Variants in NBN observed in about 807,000 individuals in gnomAD.
NBN encodes Nijmegen breakage syndrome 1 (nibrin).
Under a neutral mutation model 90.8 loss-of-function variants are expected in NBN, and 88 were observed. The ratio of observed to expected loss-of-function variants is 0.97; its 90% CI spans 0.82 to 1.16. NBN has a LOEUF of 1.16. NBN is among the 50% of genes most tolerant of loss of function. The pLI is 0.00. For missense variants in NBN, 894 were observed against 869.6 expected (o/e 1.03, Z -0.35); for synonymous variants, 328 against 295.1 (o/e 1.11, Z -1.14).
At chr8:89,947,656 AAATAAT>A (rs531725950) in intron 12 of NBN, among the ~76,000 whole-genome samples, 162 bp downstream of exon 12, 10 of 151,836 alleles carry the variant, frequency 6.6e-5, no homozygotes, top group South Asian at 6.3e-4. Context: ...CAAATAAATA[AAATAAT>A]AATAATAATA....
chr8:89,939,310 C>T (rs1282021601), intron 14 of NBN, among the ~76,000 whole-genome samples: 1 of 151,996 alleles, frequency 6.6e-6, no homozygotes, highest in Non-Finnish European at 1.5e-5. Flanking sequence ...AGTAGCCATG[C>T]AGCAAAAGCA....
At chr8:89,974,690 T>C (rs1283706951) in intron 5 of NBN, among the ~76,000 whole-genome samples, 1 of 152,116 alleles carries the variant, frequency 6.6e-6, no homozygotes, top group Non-Finnish European at 1.5e-5. Context: ...AACACTGAAC[T>C]TGGGAAACCA....
At chr8:89,951,692 A>G (rs554546023) in intron 11 of NBN, among the ~76,000 whole-genome samples, 123 of 152,308 alleles carry the variant, frequency 8.1e-4, no homozygotes, top group African/African-American at 2.8e-3. Context: ...TGACTTATAG[A>G]ACATACAAAT....
chr8:89,976,949 C>T (rs879417889), intron 5 of NBN, among the ~76,000 whole-genome samples: 6 of 152,042 alleles, frequency 3.9e-5, no homozygotes, highest in East Asian at 1.9e-4. Flanking sequence ...AGCTGTTATC[C>T]GGTATAAACA....
chr8:89,964,543 T>C, intron 7 of NBN, 36 bp from the exon 8 acceptor site: 2 of 1,542,622 alleles, frequency 1.3e-6, no homozygotes, highest in Non-Finnish European at 1.8e-6. Context: ...TGATAATATA[T>C]TAAAACTAGC....
chr8:89,978,351 T>A lies in NBN; in HGVS notation c.481-28A>T, dbSNP rs967304479. 1.4e-5 allele frequency: 22 copies of A among 1,561,068 alleles called. No homozygotes were observed. The East Asian group carries it at 4.9e-4, about 35-fold the overall frequency. On this transcript the variant is annotated intron_variant, in intron 4 of 15. Transcript: ENST00000265433. ...ACAATGAAGAAAACATGTGAATATA[T>A]ATATTCACATGCTAGCATTTTTTAA...
intron 14 of NBN, among the ~76,000 whole-genome samples, chr8:89,940,983 T>C (rs1036890579): frequency 2.0e-5 from 3 of 152,166 alleles, no homozygotes; most frequent in African/African-American, 7.2e-5. Flanking sequence ...TAAGGTCACA[T>C]ACTTGGTGAG....
In NBN at chr8:89,935,756, T is replaced by C. The variant is rs531673775; in HGVS notation, c.2235-144A>G. On this transcript the variant is annotated intron_variant, in intron 15 of 15. Coordinates refer to ENST00000265433, the MANE Select transcript of NBN (RefSeq NM_002485.5). The stretch of plus-strand genomic sequence containing the variant: ...GTCCTTAGGATCAGATACTAAGCAC[T>C]GACATTTTTATTTTCATGTATCCCT... 2.2e-4 allele frequency: 211 copies of C among 952,252 alleles called. 1 individual carries two copies. The highest frequency in any genetic ancestry group is 1.5e-3 in the Middle Eastern group (7 of 4,546). 59.0% of individuals were successfully genotyped at this position (952,252 alleles called of 1,614,324 possible). A position where few individuals can be genotyped will look rare whatever the true frequency, so the allele number is the denominator to read the frequency against.
At chr8:89,966,562 T>C (rs1811262767) in intron 7 of NBN, among the ~76,000 whole-genome samples, 1 of 152,176 alleles carries the variant, frequency 6.6e-6, no homozygotes, top group Non-Finnish European at 1.5e-5. Context: ...CCTAAATAAA[T>C]GGGGATACCA....
intron 12 of NBN, among the ~76,000 whole-genome samples, chr8:89,947,091 G>A (rs1442739702): frequency 6.6e-6 from 1 of 152,136 alleles, no homozygotes; most frequent in Non-Finnish European, 1.5e-5. Flanking sequence ...TCATCTGATA[G>A]TGACAGAATG....
chr8:89,980,864 G>A lies in NBN; in HGVS notation c.350C>T (p.Ser117Phe), dbSNP rs1060503468. ...RIEYEPLVAC[S>F]SCLDVSGKTA... is the part of the protein sequence containing the mutation. Reference sequence around the variant, plus strand: ...TTTCCCAGAGACATCTAAACAAGAAGAGCATGCAACCAAAGGCTCATACTC... The same window carrying A: ...TTTCCCAGAGACATCTAAACAAGAAAAGCATGCAACCAAAGGCTCATACTC... Residue 117 changes from serine (S) to phenylalanine (F), a missense_variant, in exon 4 of 16, where the codon TCT (serine) becomes TTT (phenylalanine). Physicochemically the swap from Ser to Phe is radical, Grantham distance 155. Coordinates refer to ENST00000265433, the MANE Select transcript of NBN (RefSeq NM_002485.5). 9 of 1,612,370 alleles carry A rather than the reference G, an allele frequency of 5.6e-6. No individual in the cohort carries two copies. The highest frequency in any genetic ancestry group is 7.6e-6 in the Non-Finnish European group (9 of 1,179,016).
At position 89,946,243 on chromosome 8, in the gene NBN, A is replaced by T; in HGVS notation, c.1967T>A (p.Leu656Ter). 6.3e-7 allele frequency: 1 copy of T among 1,588,362 alleles called. No individual in the cohort carries two copies. Among genetic ancestry groups the T allele is most frequent in the Non-Finnish European group, 8.6e-7 (1 of 1,156,912 alleles). The change falls in exon 13 of 16, where the codon TTG becomes TAG. Residue 656 changes from leucine (L) to a stop codon, truncating the protein, a stop_gained. Transcript: ENST00000265433. LOFTEE classifies it high-confidence loss of function. ...DSEMLPKKLL[L>*]TEFRSLVIKN... ...AATCACCAGTGATCTAAATTCAGTCAATAACAGCTTTTTTGGAAGCATCTC... is the reference window on the plus strand; with the variant it reads ...AATCACCAGTGATCTAAATTCAGTCTATAACAGCTTTTTTGGAAGCATCTC...
At chr8:89,983,402 A>G (rs1234170543) in intron 1 of NBN, among the ~76,000 whole-genome samples, 2 of 151,660 alleles carry the variant, frequency 1.3e-5, no homozygotes, top group African/African-American at 2.4e-5. Context: ...ACTGCACTCC[A>G]GCCTCGGTGA....
At chr8:89,948,673 C>T (rs989812400) in intron 11 of NBN, among the ~76,000 whole-genome samples, 4 of 152,064 alleles carry the variant, frequency 2.6e-5, no homozygotes, top group African/African-American at 7.2e-5. Context: ...AAGTTGGAAA[C>T]GGCAGAAAAA....
intron 8 of NBN, 72 bp downstream of exon 8, chr8:89,964,338 G>A (rs559304781): frequency 2.0e-6 from 3 of 1,517,992 alleles, no homozygotes; most frequent in Non-Finnish European, 1.8e-6. Flanking sequence ...AAGTATATGA[G>A]TAACGTATAT....
chr8:89,980,350 A>C (rs1811998308), intron 4 of NBN, among the ~76,000 whole-genome samples: 1 of 151,904 alleles, frequency 6.6e-6, no homozygotes, highest in Non-Finnish European at 1.5e-5. Flanking sequence ...TGGAGATTGG[A>C]GAAAGACAAC....
intron 5 of NBN, among the ~76,000 whole-genome samples, chr8:89,976,051 G>C (rs1313930057): frequency 1.3e-5 from 2 of 152,162 alleles, no homozygotes; most frequent in African/African-American, 4.8e-5. Context: ...GAGTGCAGAG[G>C]TGGGATCTCA....
At chr8:89,982,492 C>T (rs922040208) in intron 2 of NBN, 9 of 559,520 alleles carry the variant, frequency 1.6e-5, no homozygotes, top group Non-Finnish European at 2.8e-5. Context: ...GAGTTTCTAA[C>T]TAAAACAAAG....
At chr8:89,978,101 G>A (rs1232929591) in intron 5 of NBN, 119 bp downstream of exon 5, 66 of 910,902 alleles carry the variant, frequency 7.2e-5, no homozygotes, top group South Asian at 1.5e-4. Flanking sequence ...TAATAATACC[G>A]AACTATAACA....
Sources: gnomAD v4.1 joint callset for allele counts (sites outside exome capture counted in the v4.1 genomes callset) on GRCh38, gnomAD v4.1.1 for gene constraint, MANE v1.5 for transcripts, NCBI Gene and HGNC (gene_info 2026-07-23, HGNC 2026-07-21) for gene names.